Variants in ITGBL1 observed in about 807,000 individuals in gnomAD.
The protein encoded by ITGBL1 is integrin subunit beta like 1, also known as integrin beta-like protein 1.
Under a neutral mutation model 68.5 loss-of-function variants are expected in ITGBL1, and 51 were observed. That is an observed-to-expected ratio of 0.74 (90% CI 0.59 to 0.94). The LOEUF (loss-of-function observed/expected upper bound fraction) is 0.94. Ranked by LOEUF, ITGBL1 falls within the 40% of genes least tolerant of loss-of-function variation. The probability of loss-of-function intolerance (pLI) is 0.00; values close to 1 mark genes in which losing one functional copy is unlikely to be tolerated. For synonymous variants in ITGBL1, 209 were observed against 227.3 expected (o/e 0.92, Z 0.72); for missense variants, 649 against 647.4 (o/e 1.00, Z -0.03).
chr13:101,655,595 A>G (rs72659163), intron 7 of ITGBL1, among the ~76,000 whole-genome samples: 435 of 152,296 alleles, frequency 2.9e-3, no homozygotes, highest in Non-Finnish European at 5.1e-3. Context: ...GTGTAAACCC[A>G]ATTTTCACTT....
At chr13:101,512,662 A>G (rs142097730) in intron 2 of ITGBL1, among the ~76,000 whole-genome samples, 213 of 152,208 alleles carry the variant, frequency 1.4e-3, no homozygotes, top group African/African-American at 4.8e-3. Flanking sequence ...TTTGAGAGCC[A>G]GAGTGCTGCA....
At chr13:101,695,717 C>A (rs972466109) in intron 8 of ITGBL1, among the ~76,000 whole-genome samples, 2 of 152,132 alleles carry the variant, frequency 1.3e-5, no homozygotes, top group Admixed American at 1.3e-4. Flanking sequence ...AAGAGACTAA[C>A]AAAACCCTTC....
chr13:101,688,025 A>G (rs910691337), intron 7 of ITGBL1, among the ~76,000 whole-genome samples: 3 of 152,120 alleles, frequency 2.0e-5, no homozygotes, highest in Non-Finnish European at 4.4e-5. Context: ...TTGTATCTCC[A>G]TAACAGTAAA....
At chr13:101,542,370 G>A (rs1013305608) in intron 2 of ITGBL1, among the ~76,000 whole-genome samples, 8 of 152,216 alleles carry the variant, frequency 5.3e-5, no homozygotes, top group African/African-American at 1.9e-4. Context: ...GCGGTTTTGA[G>A]TGAGTTTCTT....
intron 2 of ITGBL1, among the ~76,000 whole-genome samples, chr13:101,537,147 CAT>C (rs2049592605): frequency 6.6e-6 from 1 of 151,982 alleles, no homozygotes; most frequent in African/African-American, 2.4e-5. Context: ...TCTCCTGAGA[CAT>C]GTGAAATTCA....
At chr13:101,662,097 A>G (rs2033103931) in intron 7 of ITGBL1, among the ~76,000 whole-genome samples, 1 of 152,154 alleles carries the variant, frequency 6.6e-6, no homozygotes, top group African/African-American at 2.4e-5. Context: ...TATTGCCTTC[A>G]TTTCATTGTC....
intron 2 of ITGBL1, among the ~76,000 whole-genome samples, chr13:101,544,590 G>C (rs1016531856): frequency 6.6e-6 from 1 of 152,192 alleles, no homozygotes; most frequent in Admixed American, 6.5e-5. Flanking sequence ...CTATCAGACA[G>C]GGACATTTAA....
At chr13:101,541,999 G>A (rs1224398887) in intron 2 of ITGBL1, among the ~76,000 whole-genome samples, 1 of 151,916 alleles carries the variant, frequency 6.6e-6, no homozygotes, top group Non-Finnish European at 1.5e-5. Flanking sequence ...ATCTTTTCAA[G>A]AAACCAGCTC....
intron 5 of ITGBL1, 56 bp from the exon 6 acceptor site, chr13:101,583,160 C>T (rs1006203153): frequency 7.2e-6 from 11 of 1,528,632 alleles, no homozygotes; most frequent in East Asian, 2.3e-5. Flanking sequence ...ATGTGAAATG[C>T]TTTCTTTCAT....
Position 101,715,581 on chromosome 13 carries a change from G to T in ITGBL1, c.1412G>T (p.Cys471Phe). 1 of 1,612,798 alleles carries T rather than the reference G, an allele frequency of 6.2e-7. No homozygotes were observed. The highest frequency in any genetic ancestry group is 8.5e-7 in the Non-Finnish European group (1 of 1,178,870). ...LICTGNGICS[C>F]GNCECWDGWN... The stretch of plus-strand genomic sequence containing the variant: ...ATTGCAGGGAATGGAATATGTAGCT[G>T]TGGAAACTGTGAATGCTGGGATGGA... Residue 471 changes from cysteine to phenylalanine, a missense_variant, in exon 11 of 11, where the codon TGT becomes TTT. By Grantham distance (205) the Cys-to-Phe change is radical (BLOSUM62 -2). Coordinates refer to ENST00000376180, the MANE Select transcript of ITGBL1 (RefSeq NM_004791.3).
intron 8 of ITGBL1, among the ~76,000 whole-genome samples, chr13:101,702,451 C>A (rs2034157557): frequency 6.6e-6 from 1 of 151,890 alleles, no homozygotes; most frequent in African/African-American, 2.4e-5. Flanking sequence ...GATTACATCA[C>A]TGATTTTATA....
chr13:101,453,948 G>GT lies in ITGBL1; in HGVS notation c.164_165insT (p.Gln56AlafsTer25). On this transcript the variant is annotated frameshift_variant, in exon 2 of 11. Transcript: ENST00000376180. LOFTEE classifies it high-confidence loss of function. ...TCGGAGCGACGCTGCCGCGCACCTGGGCAGCCCCCGGGGGCCGCGCTGTGC... is the reference window on the plus strand; with the variant it reads ...TCGGAGCGACGCTGCCGCGCACCTGGTGCAGCCCCCGGGGGCCGCGCTGTGC... The GT allele has an allele frequency of 1.4e-6, 2 of 1,476,598 alleles. No homozygotes were observed. Among genetic ancestry groups the GT allele is most frequent in the Admixed American group, 2.2e-5 (1 of 44,702 alleles). 91.5% of individuals were successfully genotyped at this position (1,476,598 alleles called of 1,614,324 possible). A position where few individuals can be genotyped will look rare whatever the true frequency, so the allele number is the denominator to read the frequency against.
At chr13:101,478,264 G>C (rs2048565659) in intron 2 of ITGBL1, among the ~76,000 whole-genome samples, 1 of 151,714 alleles carries the variant, frequency 6.6e-6, no homozygotes, top group South Asian at 2.1e-4. Context: ...TACTGAAAAA[G>C]CATTGGATAA....
At chr13:101,509,181 G>T (rs2049074552) in intron 2 of ITGBL1, among the ~76,000 whole-genome samples, 1 of 152,040 alleles carries the variant, frequency 6.6e-6, no homozygotes, top group Non-Finnish European at 1.5e-5. Flanking sequence ...TTACGTGGAT[G>T]GTGGCAGGCA....
At chr13:101,710,294 G>A (rs939222847) in intron 9 of ITGBL1, among the ~76,000 whole-genome samples, 10 of 152,160 alleles carry the variant, frequency 6.6e-5, no homozygotes, top group Non-Finnish European at 7.3e-5. Flanking sequence ...GCAGCTGATC[G>A]TGATCTCCCT....
intron 2 of ITGBL1, among the ~76,000 whole-genome samples, chr13:101,488,570 C>T (rs9582496): frequency 0.066 from 10,021 of 152,162 alleles, 502 homozygotes; most frequent in East Asian, 0.28. Context: ...CCTCAGTTTC[C>T]TTGTCTAAGC....
chr13:101,628,429 T>C (rs117997864), intron 7 of ITGBL1, among the ~76,000 whole-genome samples: 3,410 of 151,456 alleles, frequency 0.023, 45 homozygotes, highest in Non-Finnish European at 0.035. Flanking sequence ...TCTTTTCTTT[T>C]TCTTTTTCTT....
chr13:101,638,496 A>G (rs550179508), intron 7 of ITGBL1, among the ~76,000 whole-genome samples: 1 of 152,326 alleles, frequency 6.6e-6, no homozygotes, highest in South Asian at 2.1e-4. Context: ...TATACCTGCA[A>G]CTGGGCAATG....
intron 7 of ITGBL1, among the ~76,000 whole-genome samples, chr13:101,678,473 G>A (rs1267178541): frequency 6.7e-6 from 1 of 150,344 alleles, no homozygotes; most frequent in Admixed American, 6.6e-5. Context: ...TCTGAAATGT[G>A]TATTAAGGAA....
Sources: gnomAD v4.1 joint callset for allele counts (sites outside exome capture counted in the v4.1 genomes callset) on GRCh38, gnomAD v4.1.1 for gene constraint, MANE v1.5 for transcripts, NCBI Gene and HGNC (gene_info 2026-07-23, HGNC 2026-07-21) for gene names.